Variants in CAMK1D observed in about 807,000 individuals in gnomAD.
CAMK1D encodes the protein calcium/calmodulin-dependent protein kinase type 1D.
CAMK1D carries 9 observed loss-of-function variants against 47.7 expected under a neutral mutation model. That is an observed-to-expected ratio of 0.19 (90% CI 0.11 to 0.33). CAMK1D has a LOEUF of 0.33. Ranked by LOEUF, CAMK1D falls within the 10% of genes least tolerant of loss-of-function variation. The pLI is 1.00. For synonymous variants in CAMK1D, 184 were observed against 184.9 expected (o/e 0.99, Z 0.04); for missense variants, 291 against 488.7 (o/e 0.60, Z 3.81).
intron 2 of CAMK1D, among the ~76,000 whole-genome samples, chr10:12,620,196 A>AAAAAAT (rs1838951881): frequency 2.0e-5 from 1 of 50,832 alleles, no homozygotes; most frequent in African/African-American, 3.4e-5. Flanking sequence ...CAAAAAAAAA[A>AAAAAAT]AAAAAAAAAA....
At chr10:12,515,418 C>CTTTTTTTTTTTTCT (rs55732103) in intron 1 of CAMK1D, among the ~76,000 whole-genome samples, 2 of 99,010 alleles carry the variant, frequency 2.0e-5, no homozygotes, top group African/African-American at 4.0e-5. Context: ...TTTTTTTTTT[C>CTTTTTTTTTTTTCT]TTTTTTTTTT....
At chr10:12,427,497 C>T (rs530854231) in intron 1 of CAMK1D, among the ~76,000 whole-genome samples, 3 of 152,110 alleles carry the variant, frequency 2.0e-5, no homozygotes, top group Non-Finnish European at 4.4e-5. Context: ...TGGGTGACAC[C>T]GTCTGCCAGT....
At chr10:12,427,698 C>CTTTTTTTTTTTTTTT (rs1588474191) in intron 1 of CAMK1D, among the ~76,000 whole-genome samples, 20 of 27,376 alleles carry the variant, frequency 7.3e-4, no homozygotes, top group East Asian at 2.1e-3. Context: ...ACTGAACTTA[C>CTTTTTTTTTTTTTTT]TGTTTTTTTT....
chr10:12,374,749 C>G (rs1838123239), intron 1 of CAMK1D, among the ~76,000 whole-genome samples: 1 of 152,016 alleles, frequency 6.6e-6, no homozygotes, highest in Non-Finnish European at 1.5e-5. Context: ...TGAGACCAGC[C>G]TGGCCAACAT....
intron 1 of CAMK1D, among the ~76,000 whole-genome samples, chr10:12,369,304 CAACAACAAA>C (rs1395250097): frequency 2.6e-5 from 4 of 152,288 alleles, no homozygotes; most frequent in Non-Finnish European, 5.9e-5. Context: ...TTTAAAACAA[CAACAACAAA>C]ACCATCAGAT....
intron 2 of CAMK1D, among the ~76,000 whole-genome samples, chr10:12,581,533 C>T (rs1324185219): frequency 6.6e-6 from 1 of 152,194 alleles, no homozygotes; most frequent in African/African-American, 2.4e-5. Flanking sequence ...CTTTTCACCG[C>T]ATCCCCACCA....
intron 2 of CAMK1D, among the ~76,000 whole-genome samples, chr10:12,559,821 G>A (rs952056327): frequency 1.2e-4 from 19 of 152,214 alleles, no homozygotes; most frequent in Admixed American, 5.2e-4. Flanking sequence ...GAGTCAGCAC[G>A]CTGCAGTGCC....
intron 3 of CAMK1D, among the ~76,000 whole-genome samples, chr10:12,715,536 A>G (rs1008025920): frequency 6.6e-6 from 1 of 152,230 alleles, no homozygotes; most frequent in Non-Finnish European, 1.5e-5. Flanking sequence ...TTGGCACAAT[A>G]CAAGGCTCAA....
At chr10:12,566,278 G>T (rs1837121991) in intron 2 of CAMK1D, among the ~76,000 whole-genome samples, 1 of 152,110 alleles carries the variant, frequency 6.6e-6, no homozygotes, top group Non-Finnish European at 1.5e-5. Context: ...TCACGCAAGT[G>T]TCGTCTCCCT....
intron 1 of CAMK1D, among the ~76,000 whole-genome samples, chr10:12,541,916 C>G (rs1398842119): frequency 8.2e-6 from 1 of 122,196 alleles, no homozygotes; most frequent in Non-Finnish European, 1.8e-5. Flanking sequence ...CTCTTTGTCA[C>G]CCTGGCTGGA....
intron 5 of CAMK1D, among the ~76,000 whole-genome samples, 181 bp from the exon 6 acceptor site, chr10:12,790,977 C>T (rs903714829): frequency 6.7e-6 from 1 of 150,262 alleles, no homozygotes; most frequent in Non-Finnish European, 1.5e-5. Flanking sequence ...GCCTGGGCAA[C>T]AGAGCAAGAC....
At chr10:12,625,301 A>T (rs1400790248) in intron 2 of CAMK1D, among the ~76,000 whole-genome samples, 2 of 141,182 alleles carry the variant, frequency 1.4e-5, no homozygotes, top group Non-Finnish European at 3.0e-5. Context: ...ACAGCATTGC[A>T]CTCCAGCCTG....
chr10:12,541,921 G>T lies in CAMK1D; in HGVS notation c.93-11304G>T, dbSNP rs571363686. ...TTTCAGGTCTCTCTTTGTCACCCTG[G>T]CTGGAGTGCAGCGGTGCAATCACAG... On this transcript the variant is annotated intron_variant, in intron 1 of 10. Coordinates refer to ENST00000619168, the MANE Select transcript of CAMK1D (RefSeq NM_153498.4). Among the ~76,000 whole-genome samples, 322 of 129,114 alleles carry T rather than the reference G, an allele frequency of 2.5e-3. 1 individual carries two copies. The highest frequency in any genetic ancestry group is 3.7e-3 in the Non-Finnish European group (231 of 62,064). 84.7% of individuals were successfully genotyped at this position (129,114 alleles called of 152,430 possible). A position where few individuals can be genotyped will look rare whatever the true frequency, so the allele number is the denominator to read the frequency against.
chr10:12,685,233 G>A (rs926868435), intron 3 of CAMK1D, among the ~76,000 whole-genome samples: 19 of 152,280 alleles, frequency 1.2e-4, no homozygotes, highest in Admixed American at 7.8e-4. Context: ...CCGGAGAGGC[G>A]GAGGTTGCAG....
At chr10:12,522,923 C>G (rs1835478701) in intron 1 of CAMK1D, among the ~76,000 whole-genome samples, 1 of 66,760 alleles carries the variant, frequency 1.5e-5, no homozygotes, top group African/African-American at 5.5e-5. Context: ...GGGGGCTGAC[C>G]CCCCACCTGC....
chr10:12,748,182 T>C (rs1412249507), intron 3 of CAMK1D, among the ~76,000 whole-genome samples: 1 of 152,204 alleles, frequency 6.6e-6, no homozygotes, highest in Admixed American at 6.5e-5. Flanking sequence ...TTTAAACTCT[T>C]CCTGTTCTTT....
At chr10:12,812,428 C>T (rs1440242025) in intron 6 of CAMK1D, among the ~76,000 whole-genome samples, 2 of 152,080 alleles carry the variant, frequency 1.3e-5, no homozygotes, top group Non-Finnish European at 2.9e-5. Context: ...CCAGCCTGGC[C>T]AACATGGCGA....
At chr10:12,766,809 C>T (rs1024839953) in intron 4 of CAMK1D, among the ~76,000 whole-genome samples, 3 of 152,076 alleles carry the variant, frequency 2.0e-5, no homozygotes, top group Non-Finnish European at 4.4e-5. Flanking sequence ...GATTCTCCAA[C>T]GTAGCAGACC....
chr10:12,773,683 A>C (rs1837146101), intron 5 of CAMK1D, among the ~76,000 whole-genome samples: 2 of 152,298 alleles, frequency 1.3e-5, no homozygotes, highest in South Asian at 4.1e-4. Context: ...ACCTGCGGTC[A>C]GGAGTTCCAG....
Sources: allele counts gnomAD v4.1 joint callset (sites outside exome capture counted in the v4.1 genomes callset), GRCh38; gene constraint gnomAD v4.1.1; transcripts MANE v1.5; gene names NCBI Gene and HGNC (gene_info 2026-07-23, HGNC 2026-07-21).